PDE7B: variants seen among roughly 807,000 people sequenced by gnomAD.
PDE7B encodes the protein 3',5'-cyclic-AMP phosphodiesterase 7B.
Under a neutral mutation model 56.2 loss-of-function variants are expected in PDE7B, and 29 were observed. That is an observed-to-expected ratio of 0.52 (90% CI 0.38 to 0.70). PDE7B has a LOEUF of 0.70. Ranked by LOEUF, PDE7B falls within the 30% of genes least tolerant of loss-of-function variation. The pLI is 0.00. For missense variants in PDE7B, 490 were observed against 565.0 expected (o/e 0.87, Z 1.35); for synonymous variants, 197 against 196.9 (o/e 1.00, Z 0.00).
At chr6:135,977,500 T>C (rs1775207714) in intron 2 of PDE7B, among the ~76,000 whole-genome samples, 2 of 152,274 alleles carry the variant, frequency 1.3e-5, no homozygotes, top group Middle Eastern at 6.8e-3. Context: ...CATGCTGACC[T>C]TGAGGGTTAT....
intron 2 of PDE7B, chr6:136,064,689 C>G (rs545072316): frequency 6.6e-6 from 1 of 152,288 alleles, no homozygotes; most frequent in Non-Finnish European, 1.5e-5. Context: ...CTTCTGAAAG[C>G]AAGTCAATTC....
intron 1 of PDE7B, among the ~76,000 whole-genome samples, chr6:135,914,430 A>G (rs12208105): frequency 0.32 from 47,775 of 147,078 alleles, 8,895 homozygotes; most frequent in Middle Eastern, 0.46. Flanking sequence ...TTCCCAAGTC[A>G]TGGAATCATA....
chr6:136,187,602 G>A (rs1779161936), intron 12 of PDE7B, among the ~76,000 whole-genome samples: 1 of 152,124 alleles, frequency 6.6e-6, no homozygotes, highest in Non-Finnish European at 1.5e-5. Context: ...AGTTTCACTA[G>A]TCCTTCCTTC....
rs73561322 is a variant in PDE7B, at chr6:136,108,897, G to T, written c.166+83G>T. ...AAATCCTCATTTCCCTCTGAACTTC[G>T]AAACCTTCTGGGGTCTGCCTTCCTT... On this transcript the variant is annotated intron_variant, in intron 3 of 12. Transcript: ENST00000308191. The T allele has an allele frequency of 2.4e-5, 21 of 885,344 alleles. No homozygotes were observed. In the Admixed American group the frequency reaches 2.6e-4, roughly 11 times the overall value. 54.8% of individuals were successfully genotyped at this position (885,344 alleles called of 1,614,324 possible).
intron 2 of PDE7B, among the ~76,000 whole-genome samples, chr6:136,080,891 A>C (rs1412280275): frequency 6.6e-6 from 1 of 152,180 alleles, no homozygotes; most frequent in East Asian, 1.9e-4. Context: ...CACCCATTGC[A>C]AAAGGGGCGA....
rs1302858254 is a variant in PDE7B, at chr6:136,062,128, T to C, written c.83-46603T>C. 2.0e-5 allele frequency among the ~76,000 whole-genome samples: 3 copies of C among 152,184 alleles called. No homozygotes were observed. In the East Asian group the frequency reaches 5.8e-4, roughly 29 times the overall value. On this transcript the variant is annotated intron_variant, in intron 2 of 12. Transcript: ENST00000308191. Reference sequence around the variant, plus strand: ...ACTGGAGTGGTTGTGAACTAAACCATGTTCTAAAGCTTTGCAGGCAATCCT... The same window carrying C: ...ACTGGAGTGGTTGTGAACTAAACCACGTTCTAAAGCTTTGCAGGCAATCCT...
Position 135,867,615 on chromosome 6 carries a change from A to G in PDE7B, c.21+15596A>G, listed in dbSNP as rs149924102. Among the ~76,000 whole-genome samples, 360 of 152,196 alleles carry G rather than the reference A, an allele frequency of 2.4e-3. 1 individual carries two copies. Among genetic ancestry groups the G allele is most frequent in the African/African-American group, 8.3e-3 (346 of 41,524 alleles). Reference sequence around the variant, plus strand: ...TACCGTCCAGTAGGCCCCAGTGTGCACTGTTCCCCTCTTAAATGGTAAGTT... The same window carrying G: ...TACCGTCCAGTAGGCCCCAGTGTGCGCTGTTCCCCTCTTAAATGGTAAGTT... On this transcript the variant is annotated intron_variant, in intron 1 of 12. Coordinates refer to ENST00000308191, the MANE Select transcript of PDE7B (RefSeq NM_018945.4).
intron 3 of PDE7B, among the ~76,000 whole-genome samples, chr6:136,140,493 T>C (rs1200556721): frequency 1.3e-5 from 2 of 152,236 alleles, no homozygotes; most frequent in African/African-American, 4.8e-5. Flanking sequence ...AGTAGTTTTT[T>C]CCAATTCTAT....
intron 2 of PDE7B, among the ~76,000 whole-genome samples, chr6:135,961,281 A>ATGTGTGTGTGTGTGTGTGTGTATG (rs1774896566): frequency 1.1e-5 from 1 of 89,416 alleles, no homozygotes; most frequent in African/African-American, 3.1e-5. Flanking sequence ...GTGTGTGTGT[A>ATGTGTGTGTGTGTGTGTGTGTATG]TGTGTGTGTG....
chr6:136,155,763 G>A lies in PDE7B; in HGVS notation c.711+5G>A. On this transcript the variant is annotated splice_donor_5th_base_variant and intron_variant, in intron 8 of 12. Transcript: ENST00000308191. Reference sequence around the variant, plus strand: ...CATCTTGCAAACCTATATCAGGTAAGGGAGCCCAACCTGGAGCCAGCCACA... The same window carrying A: ...CATCTTGCAAACCTATATCAGGTAAAGGAGCCCAACCTGGAGCCAGCCACA... 1 of 1,613,966 alleles carries A rather than the reference G, an allele frequency of 6.2e-7. No homozygotes were observed. Among genetic ancestry groups the A allele is most frequent in the Non-Finnish European group, 8.5e-7 (1 of 1,179,942 alleles).
At chr6:136,137,587 G>C (rs1010892062) in intron 3 of PDE7B, among the ~76,000 whole-genome samples, 3 of 152,100 alleles carry the variant, frequency 2.0e-5, no homozygotes, top group African/African-American at 4.8e-5. Context: ...CTATTTCAGG[G>C]AACCAGATAT....
chr6:135,865,957 A>G (rs1376132059), intron 1 of PDE7B, among the ~76,000 whole-genome samples: 1 of 152,182 alleles, frequency 6.6e-6, no homozygotes, highest in Non-Finnish European at 1.5e-5. Flanking sequence ...TATAGTATTA[A>G]AAGACTCCAA....
chr6:136,163,921 A>C (rs990703943), intron 8 of PDE7B, among the ~76,000 whole-genome samples: 5 of 152,216 alleles, frequency 3.3e-5, no homozygotes, highest in Non-Finnish European at 7.3e-5. Context: ...AAAGCCATAC[A>C]ACAAGTCTCT....
At chr6:135,926,155 C>G (rs982647370) in intron 1 of PDE7B, among the ~76,000 whole-genome samples, 1 of 143,308 alleles carries the variant, frequency 7.0e-6, no homozygotes, top group African/African-American at 2.6e-5. Flanking sequence ...GGCGCAATCT[C>G]GGCTCACTGC....
Position 136,042,206 on chromosome 6 carries a change from C to T in PDE7B, c.83-66525C>T, listed in dbSNP as rs947182756. ...GTTATCAATAGAAAGTCAGCTTACA[C>T]CATTGCAGTGACAGCATGCACCCAT... On this transcript the variant is annotated intron_variant, in intron 2 of 12. Coordinates refer to ENST00000308191, the MANE Select transcript of PDE7B (RefSeq NM_018945.4). Among the ~76,000 whole-genome samples the T allele has an allele frequency of 2.6e-5, 4 of 152,174 alleles. No individual in the cohort carries two copies. The East Asian group carries it at 5.8e-4, about 22-fold the overall frequency.
intron 2 of PDE7B, among the ~76,000 whole-genome samples, chr6:136,045,169 C>G (rs989039084): frequency 6.6e-6 from 1 of 152,016 alleles, no homozygotes; most frequent in Non-Finnish European, 1.5e-5. Flanking sequence ...TACATCTCAT[C>G]ATATCAGAAA....
intron 2 of PDE7B, among the ~76,000 whole-genome samples, chr6:136,085,371 G>A (rs557312019): frequency 6.6e-6 from 1 of 152,302 alleles, no homozygotes; most frequent in Non-Finnish European, 1.5e-5. Context: ...AAATGAGTCA[G>A]GATATTCTAT....
At chr6:136,171,702 A>G (rs558650287) in intron 8 of PDE7B, among the ~76,000 whole-genome samples, 36 of 149,378 alleles carry the variant, frequency 2.4e-4, no homozygotes, top group African/African-American at 8.0e-4. Context: ...TTAGTTACAT[A>G]TGTATACATG....
At chr6:135,947,423 T>C in intron 1 of PDE7B, 41 bp from the exon 2 acceptor site, 1 of 1,446,556 alleles carries the variant, frequency 6.9e-7, no homozygotes, top group Non-Finnish European at 9.7e-7. Context: ...GGAATCTTGA[T>C]ATGAAATCTT....
Sources: allele counts gnomAD v4.1 joint callset (sites outside exome capture counted in the v4.1 genomes callset), GRCh38; gene constraint gnomAD v4.1.1; transcripts MANE v1.5; gene names NCBI Gene and HGNC (gene_info 2026-07-23, HGNC 2026-07-21).